Variants in ME1 observed in about 807,000 individuals in gnomAD.
The protein encoded by ME1 is malic enzyme 1.
In ME1, 74 loss-of-function variants were observed where a neutral mutation model predicts 66.4. The ratio of observed to expected loss-of-function variants is 1.11; its 90% CI spans 0.92 to 1.35. The LOEUF is 1.35. ME1 is among the 40% of genes most tolerant of loss of function. The pLI is 0.00. For synonymous variants in ME1, 251 were observed against 235.6 expected (o/e 1.07, Z -0.60); for missense variants, 750 against 694.1 (o/e 1.08, Z -0.90).
At chr6:83,340,111 T>C (rs1175864610) in intron 5 of ME1, among the ~76,000 whole-genome samples, 2 of 152,210 alleles carry the variant, frequency 1.3e-5, no homozygotes, top group Non-Finnish European at 2.9e-5. Context: ...AAGTTTTGAA[T>C]ATTTGTTTTA....
chr6:83,412,918 T>C (rs1770079521), intron 1 of ME1, among the ~76,000 whole-genome samples: 1 of 152,186 alleles, frequency 6.6e-6, no homozygotes, highest in South Asian at 2.1e-4. Context: ...TTACACAACA[T>C]TGCATATTTG....
Position 83,211,408 on chromosome 6 carries a change from A to C in ME1, c.*516T>G, listed in dbSNP as rs1457098055. ...AACTGTTAGAATTCCGTTGCACAAAAGAACATATATGATCTAGGACTGGAA... is the reference window on the plus strand; with the variant it reads ...AACTGTTAGAATTCCGTTGCACAAACGAACATATATGATCTAGGACTGGAA... On this transcript the variant is annotated 3_prime_UTR_variant, in exon 14 of 14. Coordinates refer to ENST00000369705, the MANE Select transcript of ME1 (RefSeq NM_002395.6). The C allele has an allele frequency of 6.5e-6, 1 of 152,696 alleles. No homozygotes were observed. Among genetic ancestry groups the C allele is most frequent in the Non-Finnish European group, 1.5e-5 (1 of 68,062 alleles). The allele number at this position is 152,696 out of a possible 1,614,324, so 9.5% of individuals were successfully genotyped here. A position where few individuals can be genotyped will look rare whatever the true frequency, so the allele number is the denominator to read the frequency against.
intron 5 of ME1, among the ~76,000 whole-genome samples, chr6:83,323,499 C>T (rs1348689692): frequency 7.6e-6 from 1 of 131,530 alleles, no homozygotes; most frequent in Non-Finnish European, 1.6e-5. Context: ...AACAAACAAA[C>T]AAACAAAAAA....
At chr6:83,340,175 TTTTC>T (rs1240661554) in intron 5 of ME1, among the ~76,000 whole-genome samples, 1 of 152,102 alleles carries the variant, frequency 6.6e-6, no homozygotes, top group Non-Finnish European at 1.5e-5. Flanking sequence ...TTTTAGTTGG[TTTTC>T]TTGAGTTTCA....
intron 6 of ME1, among the ~76,000 whole-genome samples, chr6:83,260,176 CA>C (rs11386903): frequency 0.015 from 2,085 of 143,392 alleles, 26 homozygotes; most frequent in Admixed American, 0.022. Flanking sequence ...TAGCAAGGAC[CA>C]AAAAAAAAAA....
At chr6:83,398,538 A>G in intron 2 of ME1, 22 bp from the exon 3 acceptor site, 1 of 1,366,850 alleles carries the variant, frequency 7.3e-7, no homozygotes, top group African/African-American at 1.5e-5. Context: ...GGACATAATT[A>G]GATCTACATC....
chr6:83,348,916 G>A (rs1406873778), intron 4 of ME1, among the ~76,000 whole-genome samples: 13 of 148,414 alleles, frequency 8.8e-5, no homozygotes, highest in African/African-American at 3.3e-4. Context: ...CCTAGGAGGC[G>A]GAGGTTGCAG....
chr6:83,238,565 A>C (rs1309195399), intron 8 of ME1, among the ~76,000 whole-genome samples: 2 of 152,078 alleles, frequency 1.3e-5, no homozygotes, highest in Non-Finnish European at 2.9e-5. Flanking sequence ...TCAAATGTTA[A>C]TGAGCTGTCA....
intron 5 of ME1, among the ~76,000 whole-genome samples, chr6:83,344,879 C>CA (rs1180937130): frequency 2.4e-4 from 34 of 144,640 alleles, no homozygotes; most frequent in African/African-American, 7.7e-4. Context: ...GACTCCGTCT[C>CA]AAAAAAAAAT....
At chr6:83,220,512 G>A (rs1240961154) in intron 12 of ME1, among the ~76,000 whole-genome samples, 1 of 152,160 alleles carries the variant, frequency 6.6e-6, no homozygotes, top group Non-Finnish European at 1.5e-5. Flanking sequence ...CTTTGAGATT[G>A]GTGCTAACCC....
intron 6 of ME1, among the ~76,000 whole-genome samples, chr6:83,273,020 T>C (rs9444058): frequency 5.0e-4 from 76 of 151,332 alleles, no homozygotes; most frequent in Admixed American, 1.8e-3. Flanking sequence ...ACTAAAAATA[T>C]AAAAAAATTA....
At chr6:83,351,027 C>T (rs1768792875) in intron 4 of ME1, among the ~76,000 whole-genome samples, 1 of 132,946 alleles carries the variant, frequency 7.5e-6, no homozygotes, top group East Asian at 2.2e-4. Context: ...TAATAAAAAC[C>T]ATTTTAATTT....
At chr6:83,321,105 C>G (rs530822781) in intron 5 of ME1, among the ~76,000 whole-genome samples, 1 of 152,124 alleles carries the variant, frequency 6.6e-6, no homozygotes, top group African/African-American at 2.4e-5. Context: ...CTGCCCTGAG[C>G]GACTATGCAC....
At chr6:83,281,078 T>C (rs561971494) in intron 6 of ME1, among the ~76,000 whole-genome samples, 1 of 152,228 alleles carries the variant, frequency 6.6e-6, no homozygotes, top group Non-Finnish European at 1.5e-5. Flanking sequence ...TAAGAAAAGA[T>C]CATATATCTG....
intron 4 of ME1, among the ~76,000 whole-genome samples, chr6:83,347,058 A>G (rs1768701299): frequency 6.6e-6 from 1 of 151,986 alleles, no homozygotes; most frequent in African/African-American, 2.4e-5. Context: ...GGTTCAGGCA[A>G]TTCTCCTGTC....
intron 1 of ME1, among the ~76,000 whole-genome samples, chr6:83,416,835 G>T (rs1342469147): frequency 6.6e-6 from 1 of 151,106 alleles, no homozygotes; most frequent in Non-Finnish European, 1.5e-5. Context: ...AGTCAAAGCT[G>T]CAGTGAGTCA....
chr6:83,232,741 CTA>C (rs976848191), intron 9 of ME1, among the ~76,000 whole-genome samples: 1 of 152,060 alleles, frequency 6.6e-6, no homozygotes, highest in Middle Eastern at 3.2e-3. Context: ...AGCAGATAAA[CTA>C]TATAGTCTGT....
intron 13 of ME1, 107 bp downstream of exon 13, chr6:83,216,391 T>C: frequency 2.5e-6 from 2 of 802,104 alleles, no homozygotes; most frequent in Non-Finnish European, 4.2e-6. Flanking sequence ...ACATAGTAAG[T>C]TGATACAGAT....
At chr6:83,215,740 C>T (rs1241437410) in intron 13 of ME1, among the ~76,000 whole-genome samples, 1 of 152,122 alleles carries the variant, frequency 6.6e-6, no homozygotes, top group Non-Finnish European at 1.5e-5. Flanking sequence ...CAGAGGAAAC[C>T]AAACCTGCAA....
Sources: allele counts gnomAD v4.1 joint callset (sites outside exome capture counted in the v4.1 genomes callset), GRCh38; gene constraint gnomAD v4.1.1; transcripts MANE v1.5; gene names NCBI Gene and HGNC (gene_info 2026-07-23, HGNC 2026-07-21).